Variants in GLI3 observed in about 807,000 individuals in gnomAD.
GLI3 encodes transcription activator GLI3.
GLI3 carries 20 observed loss-of-function variants against 100.8 expected under a neutral mutation model. The ratio of observed to expected loss-of-function variants is 0.20; its 90% confidence interval spans 0.14 to 0.29. The LOEUF (loss-of-function observed/expected upper bound fraction) is 0.29. Ranked by LOEUF, GLI3 falls within the 10% of genes least tolerant of loss-of-function variation. GLI3 has a pLI of 1.00. For synonymous variants in GLI3, 938 were observed against 860.5 expected (o/e 1.09, Z -1.58); for missense variants, 2,040 against 2,128.5 (o/e 0.96, Z 0.82).
intron 10 of GLI3, among the ~76,000 whole-genome samples, chr7:41,988,472 AAAGG>A (rs1787890950): frequency 8.4e-5 from 2 of 23,864 alleles, no homozygotes; most frequent in Non-Finnish European, 1.2e-4. Context: ...TCAAAAAAAA[AAAGG>A]GGGGGGGGGT....
intron 4 of GLI3, among the ~76,000 whole-genome samples, chr7:42,063,492 T>C (rs1019450046): frequency 6.6e-6 from 1 of 152,090 alleles, no homozygotes; most frequent in Non-Finnish European, 1.5e-5. Context: ...CCAGCACATG[T>C]ACAAAAAAGG....
intron 4 of GLI3, among the ~76,000 whole-genome samples, chr7:42,063,199 T>C (rs1372629060): frequency 6.6e-6 from 1 of 152,236 alleles, no homozygotes; most frequent in African/African-American, 2.4e-5. Flanking sequence ...TTCTTGCAAC[T>C]AGGTCCATTA....
chr7:42,055,065 GTATACATATATATGTATA>G (rs1317223550), intron 4 of GLI3, among the ~76,000 whole-genome samples: 3 of 80,582 alleles, frequency 3.7e-5, no homozygotes, highest in Admixed American at 1.1e-4. Flanking sequence ...ACACATATAT[GTATACATATATATGTATA>G]TATACATATA....
At chr7:42,113,716 T>G in intron 3 of GLI3, 1 of 668,290 alleles carries the variant, frequency 1.5e-6, no homozygotes, top group African/African-American at 1.8e-5. Context: ...CAGAATTTTG[T>G]TTTACTTTAA....
At chr7:42,231,593 G>T (rs2128705759) in intron 1 of GLI3, among the ~76,000 whole-genome samples, 1 of 152,248 alleles carries the variant, frequency 6.6e-6, no homozygotes, top group South Asian at 2.1e-4. Flanking sequence ...AAGTGGCATG[G>T]CCTGCTCCAC....
chr7:42,123,307 T>C (rs993364725), intron 3 of GLI3, among the ~76,000 whole-genome samples: 3 of 152,314 alleles, frequency 2.0e-5, no homozygotes, highest in South Asian at 4.1e-4. Flanking sequence ...TTAAAAGACA[T>C]GCAGTGTCTT....
intron 10 of GLI3, among the ~76,000 whole-genome samples, chr7:41,980,261 G>A (rs1787620463): frequency 6.6e-6 from 1 of 152,212 alleles, no homozygotes. Flanking sequence ...AGCCAGCCAT[G>A]CTCCATGTCA....
intron 3 of GLI3, among the ~76,000 whole-genome samples, chr7:42,091,414 C>T (rs1331278887): frequency 2.0e-5 from 3 of 152,238 alleles, no homozygotes; most frequent in Admixed American, 6.5e-5. Context: ...TTCTCCCAGG[C>T]ACCAGGGACC....
intron 3 of GLI3, among the ~76,000 whole-genome samples, chr7:42,096,581 A>G (rs1442493507): frequency 6.6e-6 from 1 of 152,138 alleles, no homozygotes; most frequent in East Asian, 1.9e-4. Flanking sequence ...TTTGCTGCCC[A>G]CTGGCAAGGA....
intron 10 of GLI3, among the ~76,000 whole-genome samples, chr7:42,008,668 C>T (rs149582529): frequency 6.2e-4 from 94 of 152,276 alleles, no homozygotes; most frequent in African/African-American, 2.2e-3. Flanking sequence ...TGATCCAATG[C>T]CTATACATCA....
intron 2 of GLI3, among the ~76,000 whole-genome samples, chr7:42,199,546 T>C (rs1026435205): frequency 1.3e-5 from 2 of 152,182 alleles, no homozygotes; most frequent in African/African-American, 2.4e-5. Flanking sequence ...TGAGTTTTTA[T>C]ATGCAATGGT....
intron 2 of GLI3, among the ~76,000 whole-genome samples, chr7:42,177,637 C>T (rs1331912095): frequency 6.6e-6 from 1 of 152,082 alleles, no homozygotes; most frequent in Non-Finnish European, 1.5e-5. Flanking sequence ...GAAGGAAGAT[C>T]ATCAGTAAGC....
chr7:42,075,328 T>C (rs34421882), intron 4 of GLI3, among the ~76,000 whole-genome samples: 1 of 152,186 alleles, frequency 6.6e-6, no homozygotes, highest in Non-Finnish European at 1.5e-5. Flanking sequence ...GGCTCCAGTC[T>C]GGGAGGAATT....
chr7:41,999,126 G>A (rs1050989912), intron 10 of GLI3, among the ~76,000 whole-genome samples: 4 of 152,122 alleles, frequency 2.6e-5, no homozygotes, highest in Non-Finnish European at 5.9e-5. Flanking sequence ...AGGACATTAC[G>A]CCATGATAGG....
rs1266838299 is a variant in GLI3, at chr7:42,151,852, C to G, written c.125-3384G>C. The G allele has an allele frequency of 2.0e-5, 3 of 151,952 alleles. No homozygotes were observed. The East Asian group carries it at 5.8e-4, about 29-fold the overall frequency. 9.4% of individuals were successfully genotyped at this position (151,952 alleles called of 1,614,324 possible). On this transcript the variant is annotated intron_variant, in intron 2 of 14. Coordinates refer to ENST00000395925, the MANE Select transcript of GLI3 (RefSeq NM_000168.6). ...ACTGTCCCAGAATTTCCAAACTCAT[C>G]CAAAAGCAAGTGACATCAAGTCAGA...
intron 7 of GLI3, among the ~76,000 whole-genome samples, chr7:42,039,019 G>A (rs1055630838): frequency 2.0e-5 from 3 of 152,104 alleles, no homozygotes; most frequent in Admixed American, 1.3e-4. Flanking sequence ...TTCAAGCAAG[G>A]AATTATTCAC....
intron 3 of GLI3, among the ~76,000 whole-genome samples, chr7:42,088,826 A>G (rs1303290756): frequency 6.6e-6 from 1 of 152,064 alleles, no homozygotes; most frequent in East Asian, 1.9e-4. Flanking sequence ...CCTTTCACTG[A>G]GCCTAGGCCA....
At chr7:42,109,313 T>C (rs193097599) in intron 3 of GLI3, among the ~76,000 whole-genome samples, 155 of 152,314 alleles carry the variant, frequency 1.0e-3, no homozygotes, top group African/African-American at 3.6e-3. Context: ...AAGAAAGACA[T>C]TGCTTTCACT....
chr7:42,232,007 G>A (rs968821399), intron 1 of GLI3, among the ~76,000 whole-genome samples: 1 of 151,938 alleles, frequency 6.6e-6, no homozygotes, highest in Admixed American at 6.6e-5. Flanking sequence ...TTAAGTAAAA[G>A]TGCACTTATC....
Sources: allele counts gnomAD v4.1 joint callset (sites outside exome capture counted in the v4.1 genomes callset), GRCh38; gene constraint gnomAD v4.1.1; transcripts MANE v1.5; gene names NCBI Gene and HGNC (gene_info 2026-07-23, HGNC 2026-07-21).